NCS1: variants seen among roughly 807,000 people sequenced by gnomAD.
NCS1 encodes frequenin homolog.
In NCS1, 6 loss-of-function variants were observed where a neutral mutation model predicts 28.4. The ratio of observed to expected loss-of-function variants is 0.21; its 90% CI spans 0.12 to 0.42. The LOEUF is 0.42. Among genes scored for constraint, NCS1 ranks in the 10% least tolerant of loss-of-function variants. The pLI, the probability that NCS1 is intolerant of heterozygous loss-of-function variation, is 1.00. For missense variants in NCS1, 131 were observed against 241.4 expected, an observed-to-expected ratio of 0.54 and a Z score of 3.03; for synonymous variants, 86 against 99.3, an observed-to-expected ratio of 0.87 and a Z score of 0.79.
Position 130,200,942 on chromosome 9 carries a change from C to T in NCS1, c.65-16C>T, listed in dbSNP as rs781979811. 11 of 1,614,240 alleles carry T rather than the reference C, an allele frequency of 6.8e-6. No individual in the cohort carries two copies. The highest frequency in any genetic ancestry group is 7.6e-6 in the Non-Finnish European group (9 of 1,180,048). ...TTCCCTGAGCTAAAAGCCTACTTTT[C>T]TGCTTTCTCTTGCAGTTACCGAGAA... On this transcript the variant is annotated splice_polypyrimidine_tract_variant and intron_variant, in intron 1 of 7. Transcript: ENST00000372398.
At chr9:130,201,997 A>G (rs1222536691) in intron 2 of NCS1, among the ~76,000 whole-genome samples, 6 of 152,098 alleles carry the variant, frequency 3.9e-5, no homozygotes, top group African/African-American at 9.7e-5. Context: ...CGCCTCCACC[A>G]TGAAACCTCC....
intron 4 of NCS1, among the ~76,000 whole-genome samples, chr9:130,220,341 T>C (rs558906695): frequency 1.3e-4 from 20 of 151,984 alleles, no homozygotes; most frequent in Non-Finnish European, 2.4e-4. Flanking sequence ...GGGGATAAGA[T>C]AGATGGGTCC....
In NCS1 at chr9:130,234,616, G is replaced by A. The variant is rs782002322; in HGVS notation, c.*1644G>A. 6.6e-6 allele frequency: 1 copy of A among 152,290 alleles called. No individual in the cohort carries two copies. Among genetic ancestry groups the A allele is most frequent in the Non-Finnish European group, 1.5e-5 (1 of 68,134 alleles). 9.4% of individuals were successfully genotyped at this position (152,290 alleles called of 1,614,324 possible). On this transcript the variant is annotated 3_prime_UTR_variant, in exon 8 of 8. Coordinates refer to ENST00000372398, the MANE Select transcript of NCS1 (RefSeq NM_014286.4). This position sits in a 1 kb window ranked among gnomAD's most constrained non-coding sequence, Gnocchi z 6.1. ...GGTTCAGTTTCCTGTGGCTGGTGAT[G>A]CTGTGGTTAAGTTTGCTTGACCCCA...
chr9:130,200,005 C>A (rs1487187562), intron 1 of NCS1, among the ~76,000 whole-genome samples: 5 of 152,352 alleles, frequency 3.3e-5, no homozygotes, highest in East Asian at 1.9e-4. Context: ...AAATTCCATT[C>A]TTTGACGCCA....
chr9:130,198,917 A>C (rs1261297432), intron 1 of NCS1, among the ~76,000 whole-genome samples: 1 of 152,146 alleles, frequency 6.6e-6, no homozygotes, highest in African/African-American at 2.4e-5. Flanking sequence ...CATCACAGGC[A>C]GCCAGCCTGG....
intron 6 of NCS1, among the ~76,000 whole-genome samples, chr9:130,223,985 T>C (rs1046506972): frequency 3.3e-5 from 5 of 151,870 alleles, no homozygotes; most frequent in African/African-American, 7.3e-5. Context: ...TAGCTGGGAC[T>C]ACAGGCGCAT....
rs973961650 is a variant in NCS1 at position 130,236,050 on chromosome 9, C to T, written c.*3078C>T. ...ACGTTTAAAATAACATCAAGGCAAG[C>T]GTACGTGTCACCCTCTGTACTGACA... On this transcript the variant is annotated 3_prime_UTR_variant, in exon 8 of 8. Transcript: ENST00000372398. 3 of 152,290 alleles carry T rather than the reference C, an allele frequency of 2.0e-5. No homozygotes were observed. Among genetic ancestry groups the T allele is most frequent in the African/African-American group, 7.2e-5 (3 of 41,468 alleles). The allele number at this position is 152,290 out of a possible 1,614,324, so 9.4% of individuals were successfully genotyped here.
At chr9:130,231,850 T>C (rs1833505055) in intron 7 of NCS1, among the ~76,000 whole-genome samples, 2 of 150,172 alleles carry the variant, frequency 1.3e-5, no homozygotes, top group South Asian at 2.1e-4. Flanking sequence ...GTTTCCCACA[T>C]CCTTGCCAAC....
At chr9:130,214,763 T>G (rs1833160623) in intron 2 of NCS1, among the ~76,000 whole-genome samples, 1 of 152,116 alleles carries the variant, frequency 6.6e-6, no homozygotes, top group South Asian at 2.1e-4. Context: ...AACATCAGGC[T>G]GGGCACCCTC....
intron 3 of NCS1, among the ~76,000 whole-genome samples, chr9:130,218,239 G>A (rs1393006658): frequency 1.3e-5 from 2 of 152,184 alleles, no homozygotes; most frequent in Non-Finnish European, 2.9e-5. Context: ...GCACATCCAA[G>A]CTCTCACACA....
intron 2 of NCS1, among the ~76,000 whole-genome samples, chr9:130,211,464 C>T (rs372926155): frequency 2.0e-4 from 30 of 151,600 alleles, no homozygotes; most frequent in African/African-American, 6.8e-4. Flanking sequence ...TCTACTCCTC[C>T]ACCCTGGCCT....
In NCS1 at chr9:130,226,334, C is replaced by CT; in HGVS notation, c.475-54dup. Reference sequence around the variant, plus strand: ...GGGACCGGCCCTGGGCTGGGCTTGTCTAGAGCCCTCTCCTGGGAGGCCCTG... The same window carrying CT: ...GGGACCGGCCCTGGGCTGGGCTTGTCTTAGAGCCCTCTCCTGGGAGGCCCTG... On this transcript the variant is annotated intron_variant, in intron 6 of 7. Coordinates refer to ENST00000372398, the MANE Select transcript of NCS1 (RefSeq NM_014286.4). The surrounding 1 kb of genome is among the most constrained non-coding windows in gnomAD (Gnocchi z 4.8). 6.7e-7 allele frequency: 1 copy of CT among 1,493,882 alleles called. No homozygotes were observed. The highest frequency in any genetic ancestry group is 1.7e-5 in the Admixed American group (1 of 59,226). 92.5% of individuals were successfully genotyped at this position (1,493,882 alleles called of 1,614,324 possible).
At chr9:130,214,448 A>G (rs1178986851) in intron 2 of NCS1, among the ~76,000 whole-genome samples, 1 of 152,250 alleles carries the variant, frequency 6.6e-6, no homozygotes, top group Non-Finnish European at 1.5e-5. Context: ...TTCACAGCCA[A>G]TGAACAGGGT....
In NCS1 at chr9:130,216,481, C is replaced by T. The variant is rs137879024; in HGVS notation, c.90-1351C>T. On this transcript the variant is annotated intron_variant, in intron 2 of 7. Coordinates refer to ENST00000372398, the MANE Select transcript of NCS1 (RefSeq NM_014286.4). ...CTGTAATCCCAGCACTTTGGGAGGCCGAGGCGGGCAGATCTCCTGAGGTCA... is the reference window on the plus strand; with the variant it reads ...CTGTAATCCCAGCACTTTGGGAGGCTGAGGCGGGCAGATCTCCTGAGGTCA... Among the ~76,000 whole-genome samples, 1,321 of 152,218 alleles carry T rather than the reference C, an allele frequency of 8.7e-3. 25 individuals are homozygous for T. Among genetic ancestry groups the T allele is most frequent in the African/African-American group, 0.031 (1,270 of 41,518 alleles).
chr9:130,225,742 T>C (rs1338092317), intron 6 of NCS1, among the ~76,000 whole-genome samples: 1 of 152,176 alleles, frequency 6.6e-6, no homozygotes, highest in Non-Finnish European at 1.5e-5. Context: ...TGAGCACAGC[T>C]CGGTTGTGCT....
intron 3 of NCS1, among the ~76,000 whole-genome samples, chr9:130,218,369 A>G (rs547199826): frequency 3.6e-4 from 55 of 152,340 alleles, no homozygotes; most frequent in African/African-American, 1.3e-3. Flanking sequence ...ATGCACACAT[A>G]TGCACACAAT....
At chr9:130,210,129 G>C (rs1264507223) in intron 2 of NCS1, among the ~76,000 whole-genome samples, 1 of 152,020 alleles carries the variant, frequency 6.6e-6, no homozygotes, top group African/African-American at 2.4e-5. Flanking sequence ...GGCCAGGCGC[G>C]ATGGCTCACA....
chr9:130,208,859 G>T (rs1324375355), intron 2 of NCS1, among the ~76,000 whole-genome samples: 2 of 152,126 alleles, frequency 1.3e-5, no homozygotes, highest in African/African-American at 4.8e-5. Context: ...GGAGACCCTT[G>T]CCCAGGTCAC....
At chr9:130,182,831 C>A (rs1224325137) in intron 1 of NCS1, among the ~76,000 whole-genome samples, 1 of 152,248 alleles carries the variant, frequency 6.6e-6, no homozygotes, top group Non-Finnish European at 1.5e-5. Context: ...GGCCATCCTG[C>A]CCTGCCCTGT....
Sources: gnomAD v4.1 joint callset for allele counts (sites outside exome capture counted in the v4.1 genomes callset) on GRCh38, gnomAD v4.1.1 for gene constraint, Gnocchi (gnomAD v3.1) non-coding constraint, MANE v1.5 for transcripts, NCBI Gene and HGNC (gene_info 2026-07-23, HGNC 2026-07-21) for gene names.